Variants in MCPH1 observed in about 807,000 individuals in gnomAD.
MCPH1 encodes microcephalin.
A neutral mutation model predicts 84.5 loss-of-function variants in MCPH1; 104 were observed. The observed-to-expected ratio is 1.23, with a 90% confidence interval of 1.05 to 1.45. The LOEUF (loss-of-function observed/expected upper bound fraction) is 1.45, where lower values mean the gene tolerates loss of function less well. MCPH1 is among the 40% of genes most tolerant of loss of function. MCPH1 has a pLI of 0.00. For synonymous variants in MCPH1, 514 were observed against 366.8 expected, an observed-to-expected ratio of 1.40 and a Z score of -4.58; for missense variants, 1,498 against 1,005.7, an observed-to-expected ratio of 1.49 and a Z score of -6.62.
At chr8:6,408,976 C>T (rs572447694) in intron 1 of MCPH1, among the ~76,000 whole-genome samples, 1 of 151,970 alleles carries the variant, frequency 6.6e-6, no homozygotes, top group Non-Finnish European at 1.5e-5. Flanking sequence ...ACCTCTGCCT[C>T]CCGGGTTCAA....
rs541042265 is a variant in MCPH1 at position 6,480,712 on chromosome 8, A to G, written c.1974-2A>G. On this transcript the variant is annotated splice_acceptor_variant, in intron 10 of 13. Coordinates refer to ENST00000344683, the MANE Select transcript of MCPH1 (RefSeq NM_024596.5). LOFTEE classifies it high-confidence loss of function. ...TTGTTAATTTTTCCCCCGATTTGAC[A>G]GAAAGCAGAATGTCGTCATCCAGGT... The G allele has an allele frequency of 3.2e-5, 51 of 1,614,206 alleles. No homozygotes were observed. The East Asian group carries it at 1.0e-3, about 32-fold the overall frequency.
intron 9 of MCPH1, among the ~76,000 whole-genome samples, chr8:6,458,992 C>G (rs142192009): frequency 2.0e-5 from 3 of 152,076 alleles, no homozygotes; most frequent in Non-Finnish European, 4.4e-5. Context: ...AGTTTGAGAT[C>G]TTTTGATATG....
intron 12 of MCPH1, among the ~76,000 whole-genome samples, chr8:6,572,263 G>A (rs552312969): frequency 1.3e-5 from 2 of 151,880 alleles, no homozygotes; most frequent in African/African-American, 2.4e-5. Context: ...AATAATATGC[G>A]CTCTCCTCCC....
At chr8:6,489,738 A>C (rs535469771) in intron 11 of MCPH1, among the ~76,000 whole-genome samples, 1 of 152,348 alleles carries the variant, frequency 6.6e-6, no homozygotes, top group African/African-American at 2.4e-5. Context: ...CGTGTTGCCA[A>C]CTGCAACACA....
At chr8:6,573,933 C>T (rs1826861214) in intron 12 of MCPH1, among the ~76,000 whole-genome samples, 1 of 152,196 alleles carries the variant, frequency 6.6e-6, no homozygotes, top group South Asian at 2.1e-4. Flanking sequence ...TCATCTTATT[C>T]CCCTAGGTTT....
At chr8:6,601,807 A>ACCCAATCACATACCACATATACCC (rs1359063074) in intron 12 of MCPH1, among the ~76,000 whole-genome samples, 3 of 151,706 alleles carry the variant, frequency 2.0e-5, no homozygotes, top group African/African-American at 7.3e-5. Context: ...ACACACACAC[A>ACCCAATCACATACCACATATACCC]AGCCTTTCCT....
chr8:6,577,113 C>G (rs757954702), intron 12 of MCPH1, among the ~76,000 whole-genome samples: 1 of 152,198 alleles, frequency 6.6e-6, no homozygotes, highest in South Asian at 2.1e-4. Flanking sequence ...TCCTGCTGCA[C>G]AGGAGGCCAG....
intron 13 of MCPH1, among the ~76,000 whole-genome samples, chr8:6,622,510 G>A (rs1352623167): frequency 6.6e-6 from 1 of 152,212 alleles, no homozygotes; most frequent in African/African-American, 2.4e-5. Context: ...CCACTGTGGG[G>A]AAATCCCACA....
chr8:6,431,640 A>AT, intron 4 of MCPH1, 54 bp downstream of exon 4: 2 of 1,217,096 alleles, frequency 1.6e-6, no homozygotes, highest in Non-Finnish European at 2.4e-6. Flanking sequence ...ATTCGTTTTT[A>AT]TTTTTTATTT....
At chr8:6,465,038 A>G (rs538279997) in intron 9 of MCPH1, among the ~76,000 whole-genome samples, 2 of 152,068 alleles carry the variant, frequency 1.3e-5, no homozygotes, top group South Asian at 2.1e-4. Flanking sequence ...TAGGCATTCT[A>G]TGCACTGAGC....
At chr8:6,482,234 C>A (rs1809334988) in intron 11 of MCPH1, among the ~76,000 whole-genome samples, 2 of 152,082 alleles carry the variant, frequency 1.3e-5, no homozygotes, top group South Asian at 4.1e-4. Flanking sequence ...AAAAGGTGAA[C>A]GTTGTCCACT....
intron 3 of MCPH1, among the ~76,000 whole-genome samples, chr8:6,429,850 C>T (rs1185587446): frequency 1.3e-5 from 2 of 152,138 alleles, no homozygotes; most frequent in Admixed American, 6.5e-5. Context: ...GATCTGCCCA[C>T]GACCCCTCCC....
chr8:6,428,728 T>G (rs1208444905), intron 3 of MCPH1, among the ~76,000 whole-genome samples: 3 of 150,778 alleles, frequency 2.0e-5, no homozygotes, highest in Non-Finnish European at 4.4e-5. Flanking sequence ...TGTTCCATTG[T>G]ATGGACACGT....
At chr8:6,492,495 A>G (rs1004533067) in intron 11 of MCPH1, among the ~76,000 whole-genome samples, 1 of 151,748 alleles carries the variant, frequency 6.6e-6, no homozygotes, top group African/African-American at 2.4e-5. Context: ...CCATTTATCA[A>G]TTTTGGCTTT....
intron 10 of MCPH1, among the ~76,000 whole-genome samples, chr8:6,480,272 G>A (rs962019019): frequency 3.9e-5 from 6 of 152,054 alleles, no homozygotes; most frequent in Non-Finnish European, 8.8e-5. Flanking sequence ...CAACAGGCGC[G>A]TGCCACCACG....
chr8:6,623,975 AGCGTGTGCCGT>A (rs1458271431), intron 13 of MCPH1, among the ~76,000 whole-genome samples: 2 of 152,292 alleles, frequency 1.3e-5, no homozygotes, highest in East Asian at 3.9e-4. Flanking sequence ...GAGTTTGCAA[AGCGTGTGCCGT>A]GCAGTGCCCG....
chr8:6,642,322 G>C (rs553973489), intron 13 of MCPH1, among the ~76,000 whole-genome samples: 1 of 152,118 alleles, frequency 6.6e-6, no homozygotes, highest in African/African-American at 2.4e-5. Context: ...GAGGAAAGAG[G>C]GAGGGGTTGT....
chr8:6,637,163 G>A (rs1797614436), intron 13 of MCPH1, among the ~76,000 whole-genome samples: 1 of 152,226 alleles, frequency 6.6e-6, no homozygotes, highest in Non-Finnish European at 1.5e-5. Flanking sequence ...CCTAGGCACT[G>A]CAGGTACAGC....
At chr8:6,623,489 A>C (rs751635) in intron 13 of MCPH1, among the ~76,000 whole-genome samples, 69,322 of 151,086 alleles carry the variant, frequency 0.46, 16,316 homozygotes, top group East Asian at 0.68. Flanking sequence ...TTTTCTCATC[A>C]TCTGCTCAAC....
Sources: allele counts gnomAD v4.1 joint callset (sites outside exome capture counted in the v4.1 genomes callset), GRCh38; gene constraint gnomAD v4.1.1; transcripts MANE v1.5; gene names NCBI Gene and HGNC (gene_info 2026-07-23, HGNC 2026-07-21).